Variants in WNK1 observed in about 807,000 individuals in gnomAD.
WNK1 encodes the protein WNK lysine deficient protein kinase 1, also known as serine/threonine-protein kinase WNK1.
In WNK1, 38 loss-of-function variants were observed where a neutral mutation model predicts 222.8. That is an observed-to-expected ratio of 0.17 (90% CI 0.13 to 0.22). WNK1 has a LOEUF of 0.22. Ranked by LOEUF, WNK1 falls within the 10% of genes least tolerant of loss-of-function variation. The pLI is 1.00. For synonymous variants in WNK1, 1,090 were observed against 1,092.9 expected (o/e 1.00, Z 0.05); for missense variants, 2,348 against 2,918.4 (o/e 0.80, Z 4.50).
intron 2 of WNK1, among the ~76,000 whole-genome samples, chr12:814,158 G>T (rs531396097): frequency 6.7e-6 from 1 of 149,118 alleles, no homozygotes; most frequent in Non-Finnish European, 1.5e-5. Context: ...GTGAAACCCC[G>T]TCTCTACTAA....
At chr12:785,252 G>A (rs1944154123) in intron 1 of WNK1, among the ~76,000 whole-genome samples, 2 of 151,886 alleles carry the variant, frequency 1.3e-5, no homozygotes, top group South Asian at 4.1e-4. Flanking sequence ...CTTTTTGTCT[G>A]GAAACTCACT....
chr12:818,988 A>G (rs569716405), intron 2 of WNK1, among the ~76,000 whole-genome samples: 83 of 152,308 alleles, frequency 5.4e-4, no homozygotes, highest in South Asian at 2.5e-3. Context: ...TATACTAGGA[A>G]TGGAATTGCT....
At position 754,333 on chromosome 12, in the gene WNK1, C is replaced by T. The variant is rs1408223771; in HGVS notation, c.759+9C>T. On this transcript the variant is annotated intron_variant, in intron 1 of 27. Transcript: ENST00000315939. ...CCTGGTGTGAACTGCAGGTAAAGCCCCACCTACTTTATTTGACGGTCCTTT... is the reference window on the plus strand; with the variant it reads ...CCTGGTGTGAACTGCAGGTAAAGCCTCACCTACTTTATTTGACGGTCCTTT... 11 of 1,611,600 alleles carry T rather than the reference C, an allele frequency of 6.8e-6. No homozygotes were observed. In the East Asian group the frequency reaches 1.3e-4, roughly 20 times the overall value.
At chr12:869,510 AT>A (rs905383293) in intron 8 of WNK1, among the ~76,000 whole-genome samples, 34 of 152,000 alleles carry the variant, frequency 2.2e-4, no homozygotes, top group African/African-American at 8.2e-4. Flanking sequence ...AATAGGATAA[AT>A]TTTTTTTCTA....
intron 1 of WNK1, among the ~76,000 whole-genome samples, chr12:794,272 G>A (rs1055670210): frequency 6.6e-6 from 1 of 152,146 alleles, no homozygotes; most frequent in Admixed American, 6.5e-5. Context: ...TGAGCAGATA[G>A]TAAAGAGTGA....
intron 12 of WNK1, chr12:881,357 G>T (rs996182790): frequency 6.7e-6 from 3 of 446,828 alleles, no homozygotes; most frequent in African/African-American, 6.0e-5. Flanking sequence ...CCTGCTAGGA[G>T]AAGATCTGAA....
chr12:778,290 CT>C (rs1251546188), intron 1 of WNK1, among the ~76,000 whole-genome samples: 1 of 151,866 alleles, frequency 6.6e-6, no homozygotes, highest in Non-Finnish European at 1.5e-5. Flanking sequence ...GTAAAATTCT[CT>C]TTTTAAATTT....
At chr12:881,619 T>C (rs1953168731) in intron 12 of WNK1, 73 bp from the exon 13 acceptor site, 1 of 1,263,308 alleles carries the variant, frequency 7.9e-7, no homozygotes, top group East Asian at 2.3e-5. Flanking sequence ...AGGAAAAAAA[T>C]AAGTAGATTA....
chr12:813,054 C>T (rs1365525660), intron 1 of WNK1, among the ~76,000 whole-genome samples: 1 of 152,042 alleles, frequency 6.6e-6, no homozygotes, highest in African/African-American at 2.4e-5. Context: ...TGCATCATAG[C>T]AAGACCTCAT....
chr12:781,935 A>G (rs1221710524), intron 1 of WNK1, among the ~76,000 whole-genome samples: 2 of 152,136 alleles, frequency 1.3e-5, no homozygotes, highest in African/African-American at 4.8e-5. Context: ...TTAAAATCCA[A>G]TGATTAAAAT....
chr12:767,362 C>T (rs1333678117), intron 1 of WNK1, among the ~76,000 whole-genome samples: 2 of 149,352 alleles, frequency 1.3e-5, no homozygotes, highest in Non-Finnish European at 3.0e-5. Context: ...AAGCAATTCT[C>T]CTGCCTCAGC....
At chr12:849,123 C>T (rs1212641144) in intron 4 of WNK1, among the ~76,000 whole-genome samples, 4 of 152,198 alleles carry the variant, frequency 2.6e-5, no homozygotes, top group Non-Finnish European at 5.9e-5. Context: ...CTGAGCAATA[C>T]CTGACATCCT....
chr12:850,562 T>G (rs1191792740), intron 4 of WNK1, among the ~76,000 whole-genome samples: 1 of 152,196 alleles, frequency 6.6e-6, no homozygotes, highest in African/African-American at 2.4e-5. Flanking sequence ...GTGCAGAAGC[T>G]CTTTAGTTTA....
Position 881,720 on chromosome 12 carries a change from C to A in WNK1, c.3140C>A (p.Pro1047His). 1 of 1,614,104 alleles carries A rather than the reference C, an allele frequency of 6.2e-7. No individual in the cohort carries two copies. Among genetic ancestry groups the A allele is most frequent in the Non-Finnish European group, 8.5e-7 (1 of 1,180,008 alleles). ...ESTQGVSQVA[P>H]AEPVAVAQTQ... ...ACTCAGGGAGTCTCTCAGGTTGCTC[C>A]TGCAGAGCCAGTTGCAGTAGCACAG... Residue 1047 changes from proline (P) to histidine (H), a missense_variant, in exon 13 of 28, where the codon CCT becomes CAT. This residue lies in a region of WNK1 where 547 missense variants were observed against 558.3 expected (regional missense o/e 0.98). Coordinates refer to ENST00000315939, the MANE Select transcript of WNK1 (RefSeq NM_018979.4).
At chr12:906,064 G>T (rs939336265) in intron 26 of WNK1, among the ~76,000 whole-genome samples, 1 of 152,162 alleles carries the variant, frequency 6.6e-6, no homozygotes, top group Non-Finnish European at 1.5e-5. Flanking sequence ...GCTTTGAAGT[G>T]GCAGGATTGC....
At chr12:820,466 G>GTTTTTTTTTTTTTTTTT (rs3072715) in intron 2 of WNK1, among the ~76,000 whole-genome samples, 1 of 89,156 alleles carries the variant, frequency 1.1e-5, no homozygotes, top group Non-Finnish European at 2.2e-5. Flanking sequence ...ATTCTTTGGG[G>GTTTTTTTTTTTTTTTTT]TTTTTTTTTT....
intron 4 of WNK1, among the ~76,000 whole-genome samples, chr12:838,177 T>C (rs142134631): frequency 0.01 from 1,546 of 152,226 alleles, 27 homozygotes; most frequent in African/African-American, 0.035. Flanking sequence ...TACCATTGGC[T>C]GTTGTGAATA....
chr12:887,098 C>T (rs987400182), intron 19 of WNK1, 123 bp from the exon 20 acceptor site: 3 of 899,698 alleles, frequency 3.3e-6, no homozygotes, highest in Non-Finnish European at 5.4e-6. Context: ...CAGTGATAAA[C>T]ATGTCTTAAC....
chr12:808,035 C>T (rs1946546835), intron 1 of WNK1, among the ~76,000 whole-genome samples: 2 of 151,980 alleles, frequency 1.3e-5, no homozygotes, highest in African/African-American at 4.8e-5. Flanking sequence ...AATAATTCTT[C>T]TATTATTATT....
Sources: gnomAD v4.1 joint callset for allele counts (sites outside exome capture counted in the v4.1 genomes callset) on GRCh38, gnomAD v4.1.1 for gene constraint, gnomAD v4.1.1 regional missense constraint, MANE v1.5 for transcripts, NCBI Gene and HGNC (gene_info 2026-07-23, HGNC 2026-07-21) for gene names.